ZBTB16: variants seen among roughly 807,000 people sequenced by gnomAD.
ZBTB16 encodes zinc finger and BTB domain containing 16, also known as zinc finger and BTB domain-containing protein 16.
In ZBTB16, 8 loss-of-function variants were observed where a neutral mutation model predicts 56.8. That is an observed-to-expected ratio of 0.14 (90% CI 0.08 to 0.25). The LOEUF is 0.25. Ranked by LOEUF, ZBTB16 falls within the 10% of genes least tolerant of loss-of-function variation. ZBTB16 has a pLI of 1.00. For synonymous variants in ZBTB16, 363 were observed against 368.5 expected, an observed-to-expected ratio of 0.98 and a Z score of 0.17; for missense variants, 625 against 903.0, an observed-to-expected ratio of 0.69 and a Z score of 3.95.
At chr11:114,096,721 C>T (rs780159003) in intron 2 of ZBTB16, among the ~76,000 whole-genome samples, 6 of 152,164 alleles carry the variant, frequency 3.9e-5, no homozygotes, top group Non-Finnish European at 8.8e-5. Context: ...GAGGGGTTTG[C>T]AGCCCAGCAT....
chr11:114,175,174 A>C (rs998764824), intron 3 of ZBTB16, among the ~76,000 whole-genome samples: 4 of 152,236 alleles, frequency 2.6e-5, no homozygotes, highest in African/African-American at 9.7e-5. Flanking sequence ...GGTTTAAACA[A>C]GATGATGCAC....
chr11:114,148,387 TCCTCCTTC>T (rs1344597115), intron 2 of ZBTB16, among the ~76,000 whole-genome samples: 5 of 87,156 alleles, frequency 5.7e-5, no homozygotes, highest in African/African-American at 2.7e-4. Flanking sequence ...CTTCCTTCCT[TCCTCCTTC>T]CCTCCCTCCC....
chr11:114,204,872 A>G (rs1018654300), intron 4 of ZBTB16, among the ~76,000 whole-genome samples: 3 of 152,176 alleles, frequency 2.0e-5, no homozygotes, highest in Non-Finnish European at 4.4e-5. Context: ...TAGGCTTGCA[A>G]GTGGTCACTC....
chr11:114,233,107 A>G (rs1944488420), intron 4 of ZBTB16, among the ~76,000 whole-genome samples: 1 of 43,138 alleles, frequency 2.3e-5, no homozygotes, highest in African/African-American at 5.1e-5. Flanking sequence ...ACACACACAC[A>G]CACACACACA....
rs187446453 is a variant in ZBTB16 at position 114,094,579 on chromosome 11, A to G, written c.1268+30011A>G. On this transcript the variant is annotated intron_variant, in intron 2 of 6. Transcript: ENST00000335953. ...GTAGGAAGGAGGAGGTAGCTTCCAG[A>G]GAGAGCCATTGCTGGGGCTCAAGAA... Among the ~76,000 whole-genome samples, 9 of 152,326 alleles carry G rather than the reference A, an allele frequency of 5.9e-5. No homozygotes were observed. The East Asian group carries it at 1.7e-3, about 29-fold the overall frequency.
chr11:114,064,168 A>G lies in ZBTB16; in HGVS notation c.868A>G (p.Thr290Ala). The change falls in exon 2 of 7, where the codon ACC (threonine) becomes GCC (alanine). Residue 290 changes from threonine (T) to alanine (A), a missense_variant. Around this residue, in one of 6 missense-constraint regions of ZBTB16, gnomAD observed 384 missense variants for 393.5 expected, o/e 0.98. Transcript: ENST00000335953. This position sits in a 1 kb window ranked among gnomAD's most constrained non-coding sequence, Gnocchi z 4.2. ...PGTPTRSSVI[T>A]SARELHYGRE... Reference sequence around the variant, plus strand: ...GACCCCGACTCGAAGCAGCGTCATCACCAGTGCTAGGGAGCTACACTATGG... The same window carrying G: ...GACCCCGACTCGAAGCAGCGTCATCGCCAGTGCTAGGGAGCTACACTATGG... 6.2e-7 allele frequency: 1 copy of G among 1,613,914 alleles called. No individual in the cohort carries two copies. The highest frequency in any genetic ancestry group is 8.5e-7 in the Non-Finnish European group (1 of 1,180,022).
At chr11:114,208,943 A>G (rs1365636973) in intron 4 of ZBTB16, among the ~76,000 whole-genome samples, 1 of 152,248 alleles carries the variant, frequency 6.6e-6, no homozygotes, top group Non-Finnish European at 1.5e-5. Flanking sequence ...CAGGCAAACC[A>G]TTCCAGATCC....
intron 2 of ZBTB16, among the ~76,000 whole-genome samples, chr11:114,069,073 G>A (rs1044877030): frequency 6.6e-6 from 1 of 152,044 alleles, no homozygotes; most frequent in Non-Finnish European, 1.5e-5. Context: ...AGACACCGTC[G>A]CAACTCTTGC....
intron 4 of ZBTB16, among the ~76,000 whole-genome samples, chr11:114,195,633 A>C (rs1943588750): frequency 6.6e-6 from 1 of 152,188 alleles, no homozygotes; most frequent in African/African-American, 2.4e-5. Flanking sequence ...TTTGGTGCAC[A>C]GTGACCCAGA....
At chr11:114,154,183 G>A (rs955617736) in intron 2 of ZBTB16, among the ~76,000 whole-genome samples, 2 of 152,144 alleles carry the variant, frequency 1.3e-5, no homozygotes, top group African/African-American at 2.4e-5. Context: ...TTAGCCTGGT[G>A]GTGGCTCCCA....
chr11:114,126,415 G>A (rs1941509232), intron 2 of ZBTB16, among the ~76,000 whole-genome samples: 1 of 152,200 alleles, frequency 6.6e-6, no homozygotes, highest in Non-Finnish European at 1.5e-5. Flanking sequence ...TTATTGAGGT[G>A]GTACTGGCTG....
chr11:114,239,896 C>T (rs918943887), intron 4 of ZBTB16, among the ~76,000 whole-genome samples: 1 of 152,196 alleles, frequency 6.6e-6, no homozygotes, highest in African/African-American at 2.4e-5. Flanking sequence ...TTTCAGATCC[C>T]AACTCTGCCT....
chr11:114,237,016 C>T (rs1944607082), intron 4 of ZBTB16, among the ~76,000 whole-genome samples: 1 of 152,210 alleles, frequency 6.6e-6, no homozygotes. Flanking sequence ...AACAAAACAG[C>T]TTAGGCATGT....
At chr11:114,237,833 T>A (rs574929509) in intron 4 of ZBTB16, among the ~76,000 whole-genome samples, 13 of 152,330 alleles carry the variant, frequency 8.5e-5, no homozygotes, top group Middle Eastern at 3.4e-3. Flanking sequence ...TCCATTTTTT[T>A]AAAAATACTT....
At chr11:114,106,688 G>C (rs1940802443) in intron 2 of ZBTB16, among the ~76,000 whole-genome samples, 2 of 152,022 alleles carry the variant, frequency 1.3e-5, no homozygotes, top group Admixed American at 1.3e-4. Flanking sequence ...TGGCCAGGCT[G>C]ATCTTAAACT....
rs985458151 is a variant in ZBTB16, at chr11:114,208,004, C to T, written c.1453+20966C>T. ...CCTCAGGTGATCCACCCACTTCGGC[C>T]TCCCAAAGTGTTGGGATTACGGGTG... On this transcript the variant is annotated intron_variant, in intron 4 of 6. Transcript: ENST00000335953. Among the ~76,000 whole-genome samples the T allele has an allele frequency of 6.6e-5, 10 of 152,334 alleles. No individual in the cohort carries two copies. The South Asian group carries it at 1.9e-3, about 28-fold the overall frequency.
intron 4 of ZBTB16, among the ~76,000 whole-genome samples, chr11:114,216,365 G>A (rs1591790284): frequency 6.6e-6 from 1 of 152,304 alleles, no homozygotes; most frequent in African/African-American, 2.4e-5. Flanking sequence ...AGACTGGCTG[G>A]TGGGCCATCT....
chr11:114,253,867 A>G lies in ZBTB16; in HGVS notation c.*3312A>G, dbSNP rs997260999. On this transcript the variant is annotated 3_prime_UTR_variant, in exon 7 of 7. Transcript: ENST00000335953. ...GGAGGGTAGACAGGGGTCTCTCCCC[A>G]GGTGGGATCTGAATATCTGTCCTCC... is the stretch of plus-strand genomic sequence containing the variant. 6.6e-6 allele frequency among the ~76,000 whole-genome samples: 1 copy of G among 152,130 alleles called. No individual in the cohort carries two copies. Among genetic ancestry groups the G allele is most frequent in the African/African-American group, 2.4e-5 (1 of 41,434 alleles).
At chr11:114,081,105 C>G (rs770889113) in intron 2 of ZBTB16, among the ~76,000 whole-genome samples, 5 of 152,214 alleles carry the variant, frequency 3.3e-5, no homozygotes, top group Non-Finnish European at 5.9e-5. Context: ...TCTTCCTTCA[C>G]AAGCCTGCCT....
Sources: gnomAD v4.1 joint callset for allele counts (sites outside exome capture counted in the v4.1 genomes callset) on GRCh38, gnomAD v4.1.1 for gene constraint, gnomAD v4.1.1 regional missense constraint, Gnocchi (gnomAD v3.1) non-coding constraint, MANE v1.5 for transcripts, NCBI Gene and HGNC (gene_info 2026-07-23, HGNC 2026-07-21) for gene names.